ZNF624: variants seen among roughly 807,000 people sequenced by gnomAD.
The protein encoded by ZNF624 is zinc finger protein 624.
ZNF624 carries 43 observed loss-of-function variants against 74.7 expected under a neutral mutation model. The observed-to-expected ratio is 0.58, with a 90% CI of 0.45 to 0.74. The LOEUF (loss-of-function observed/expected upper bound fraction) is 0.74, where lower values mean the gene tolerates loss of function less well. Ranked by LOEUF, ZNF624 falls within the 30% of genes least tolerant of loss-of-function variation. ZNF624 has a pLI of 0.00. For synonymous variants in ZNF624, 331 were observed against 341.3 expected (o/e 0.97, Z 0.33); for missense variants, 820 against 1,030.0 (o/e 0.80, Z 2.79).
At chr17:16,617,676 T>C, downstream of ZNF624, 3 of 1,598,214 alleles carry the variant, frequency 1.9e-6, no homozygotes, top group Non-Finnish European at 2.6e-6. Flanking sequence ...GCCCCGGGCG[T>C]GCTCTACGAT....
rs951081234 is a variant in ZNF624 at position 16,623,325 on chromosome 17, T to C, written c.1561A>G (p.Ile521Val). The C allele has an allele frequency of 1.8e-5, 29 of 1,613,652 alleles. No individual in the cohort carries two copies. The highest frequency in any genetic ancestry group is 2.5e-5 in the Non-Finnish European group (29 of 1,179,698). Reference protein sequence around the residue: ...RIANFTEHQRIHTGEKPYKCN... With the variant: ...RIANFTEHQRVHTGEKPYKCN... ...TTATAGGGTTTTTCTCCTGTGTGAA[T>C]TCGCTGATGTTCTGTGAAATTTGCG... The change falls in exon 6 of 6, where the codon ATT (isoleucine) becomes GTT (valine). Residue 521 changes from isoleucine to valine, a missense_variant. By Grantham distance (29) the Ile-to-Val change is conservative. Coordinates refer to ENST00000311331, the MANE Select transcript of ZNF624 (RefSeq NM_020787.4). This position sits in a 1 kb window ranked among gnomAD's most constrained non-coding sequence, Gnocchi z 5.3.
intron 5 of ZNF624, among the ~76,000 whole-genome samples, chr17:16,630,755 C>A (rs539103391): frequency 6.6e-6 from 1 of 151,942 alleles, no homozygotes; most frequent in Non-Finnish European, 1.5e-5. Flanking sequence ...TACTTCATAA[C>A]GACAAAAGCC....
chr17:16,617,041 G>A (rs1226781122), downstream of ZNF624: 1 of 1,609,334 alleles, frequency 6.2e-7, no homozygotes, highest in Non-Finnish European at 8.5e-7. Flanking sequence ...ATTTTCTTTG[G>A]GGGATCCGGA....
At chr17:16,617,066 G>C (rs1302455592), downstream of ZNF624, 10 of 1,611,758 alleles carry the variant, frequency 6.2e-6, no homozygotes, top group Non-Finnish European at 8.5e-6. Context: ...GACCTGCTTC[G>C]ATATTTCTCA....
intron 3 of ZNF624, among the ~76,000 whole-genome samples, chr17:16,641,565 TG>T (rs770061107): frequency 3.3e-5 from 5 of 152,260 alleles, no homozygotes; most frequent in Non-Finnish European, 5.9e-5. Context: ...ATTACAGGCA[TG>T]GGCCACCATG....
intron 2 of ZNF624, among the ~76,000 whole-genome samples, chr17:16,647,827 A>G (rs1180714949): frequency 6.6e-6 from 1 of 152,206 alleles, no homozygotes; most frequent in African/African-American, 2.4e-5. Context: ...ATGTGGCTCA[A>G]CAGTCACTCA....
downstream of ZNF624, among the ~76,000 whole-genome samples, chr17:16,618,834 AATAC>A (rs1455295697): frequency 3.3e-5 from 5 of 152,224 alleles, no homozygotes; most frequent in African/African-American, 1.2e-4. Context: ...TACAGTATCT[AATAC>A]ATACACAAAA....
At chr17:16,650,041 C>T (rs1909684399) in intron 1 of ZNF624, among the ~76,000 whole-genome samples, 1 of 152,124 alleles carries the variant, frequency 6.6e-6, no homozygotes, top group African/African-American at 2.4e-5. Flanking sequence ...GATGAGGAAA[C>T]TGAACCTAAA....
chr17:16,645,155 C>T (rs1016219015), intron 3 of ZNF624, among the ~76,000 whole-genome samples: 12 of 152,122 alleles, frequency 7.9e-5, no homozygotes, highest in Non-Finnish European at 1.0e-4. Context: ...TATATAATAA[C>T]CCAGCTGGGT....
chr17:16,616,588 A>G (rs536242183), downstream of ZNF624, among the ~76,000 whole-genome samples: 2 of 152,362 alleles, frequency 1.3e-5, no homozygotes, highest in South Asian at 4.1e-4. Flanking sequence ...AAATGAGCTT[A>G]ATCTTTACAA....
At chr17:16,627,034 A>G (rs1434325410) in intron 5 of ZNF624, among the ~76,000 whole-genome samples, 3 of 152,178 alleles carry the variant, frequency 2.0e-5, no homozygotes, top group African/African-American at 7.2e-5. Flanking sequence ...AGCCTGGGAG[A>G]CAAGAGAGAC....
In ZNF624 at chr17:16,633,854, T is replaced by C. The variant is rs1156672016; in HGVS notation, c.376+8A>G. The C allele has an allele frequency of 1.9e-6, 3 of 1,606,938 alleles. No homozygotes were observed. The highest frequency in any genetic ancestry group is 2.6e-6 in the Non-Finnish European group (3 of 1,173,748). On this transcript the variant is annotated splice_region_variant and intron_variant, in intron 5 of 5. Coordinates refer to ENST00000311331, the MANE Select transcript of ZNF624 (RefSeq NM_020787.4). ...TAAATCCCATCTTCTTGGTTCTGTT[T>C]AACTCACCAGGATAGGGAATTCTTG... is the stretch of plus-strand genomic sequence containing the variant.
At chr17:16,614,693 A>G in the ZNF624 span, among the ~76,000 whole-genome samples, 1 of 152,236 alleles carries the variant, frequency 6.6e-6, no homozygotes, top group African/African-American at 2.4e-5. Flanking sequence ...GGAATCCTCA[A>G]CTCATGTTAT....
chr17:16,632,316 G>A (rs751880545), intron 5 of ZNF624, among the ~76,000 whole-genome samples: 2 of 151,896 alleles, frequency 1.3e-5, no homozygotes, highest in African/African-American at 2.4e-5. Context: ...TTAGTCCTTC[G>A]TCTTTGTCTT....
rs1481117733 is a variant in ZNF624, at chr17:16,621,138, T to C, written c.*1150A>G. ...TGTGATTATTTTAACAAAAATGATATATTGTATATATACATTTGTTATAAA... is the reference window on the plus strand; with the variant it reads ...TGTGATTATTTTAACAAAAATGATACATTGTATATATACATTTGTTATAAA... On this transcript the variant is annotated 3_prime_UTR_variant, in exon 6 of 6. Transcript: ENST00000311331. The C allele has an allele frequency of 1.3e-5, 2 of 152,216 alleles. No individual in the cohort carries two copies. The highest frequency in any genetic ancestry group is 1.9e-4 in the East Asian group (1 of 5,202). The allele number at this position is 152,216 out of a possible 1,614,324, so 9.4% of individuals were successfully genotyped here. A position where few individuals can be genotyped will look rare whatever the true frequency, so the allele number is the denominator to read the frequency against.
intron 2 of ZNF624, among the ~76,000 whole-genome samples, chr17:16,648,827 CCTAT>C (rs1454294229): frequency 6.6e-6 from 1 of 152,140 alleles, no homozygotes; most frequent in East Asian, 1.9e-4. Flanking sequence ...AACTTCCAGC[CCTAT>C]CTGTCACAAC....
At chr17:16,644,841 A>G (rs1416047143) in intron 3 of ZNF624, among the ~76,000 whole-genome samples, 1 of 152,202 alleles carries the variant, frequency 6.6e-6, no homozygotes, top group Non-Finnish European at 1.5e-5. Flanking sequence ...CTCATTAGAC[A>G]CCTCATCTTT....
At chr17:16,653,474 G>A (rs906443778) in intron 1 of ZNF624, 1 of 152,370 alleles carries the variant, frequency 6.6e-6, no homozygotes, top group African/African-American at 2.4e-5. Flanking sequence ...CCCTGCGCCC[G>A]GCTCTTTTTA....
chr17:16,617,914 G>A, downstream of ZNF624: 1 of 1,407,652 alleles, frequency 7.1e-7, no homozygotes, highest in South Asian at 1.2e-5. Flanking sequence ...AGGGCTGGTT[G>A]TGGAACGGCG....
Sources: allele counts gnomAD v4.1 joint callset (sites outside exome capture counted in the v4.1 genomes callset), GRCh38; gene constraint gnomAD v4.1.1; non-coding constraint Gnocchi (gnomAD v3.1); transcripts MANE v1.5; gene names NCBI Gene and HGNC (gene_info 2026-07-23, HGNC 2026-07-21).